Variants in CSMD1 observed in about 807,000 individuals in gnomAD.
The protein encoded by CSMD1 is CUB and sushi domain-containing protein 1.
A neutral mutation model predicts 417.5 loss-of-function variants in CSMD1; 213 were observed. The ratio of observed to expected loss-of-function variants is 0.51; its 90% CI spans 0.46 to 0.57. The LOEUF (loss-of-function observed/expected upper bound fraction) is 0.57, where lower values mean the gene tolerates loss of function less well. CSMD1 is among the 20% of genes least tolerant of loss of function. The probability of loss-of-function intolerance (pLI) is 0.00; values close to 1 mark genes in which losing one functional copy is unlikely to be tolerated. For synonymous variants in CSMD1, 2,862 were observed against 1,736.8 expected, an observed-to-expected ratio of 1.65 and a Z score of -16.11; for missense variants, 6,923 against 4,529.7, an observed-to-expected ratio of 1.53 and a Z score of -15.17.
At chr8:3,814,612 C>A (rs955387305) in intron 5 of CSMD1, among the ~76,000 whole-genome samples, 1 of 152,168 alleles carries the variant, frequency 6.6e-6, no homozygotes, top group Non-Finnish European at 1.5e-5. Context: ...GGACATCCCA[C>A]AGCACACAGA....
chr8:4,064,987 G>C (rs1015855248), intron 3 of CSMD1, among the ~76,000 whole-genome samples: 3 of 151,452 alleles, frequency 2.0e-5, no homozygotes, highest in East Asian at 1.9e-4. Context: ...TTTTGTGTCA[G>C]TTTTCATCAA....
At chr8:4,084,984 G>C (rs747444986) in intron 3 of CSMD1, among the ~76,000 whole-genome samples, 1 of 152,016 alleles carries the variant, frequency 6.6e-6, no homozygotes, top group Non-Finnish European at 1.5e-5. Flanking sequence ...TATTACCACA[G>C]CAGGCGCGTG....
intron 2 of CSMD1, among the ~76,000 whole-genome samples, chr8:4,577,940 A>T (rs932870295): frequency 1.3e-5 from 2 of 152,192 alleles, no homozygotes; most frequent in Admixed American, 6.5e-5. Context: ...ATGATATTGG[A>T]TGGCCAGAGA....
chr8:4,022,230 GCTGA>G (rs1432831107), intron 4 of CSMD1, among the ~76,000 whole-genome samples: 15 of 148,698 alleles, frequency 1.0e-4, no homozygotes, highest in African/African-American at 3.8e-4. Flanking sequence ...TAATAAAGGT[GCTGA>G]CTATTTTGGT....
chr8:4,037,812 T>C (rs927548068), intron 3 of CSMD1, among the ~76,000 whole-genome samples: 2 of 152,040 alleles, frequency 1.3e-5, no homozygotes, highest in African/African-American at 2.4e-5. Context: ...AATTGAATCT[T>C]TTTATGTTTG....
At chr8:3,757,464 A>AT (rs1452500082) in intron 5 of CSMD1, among the ~76,000 whole-genome samples, 3 of 152,032 alleles carry the variant, frequency 2.0e-5, no homozygotes, top group African/African-American at 4.8e-5. Flanking sequence ...TTTTGATTGT[A>AT]TTTTTTCAGT....
chr8:3,708,338 C>T (rs1263647410), intron 7 of CSMD1, 76 bp downstream of exon 7: 25 of 1,199,158 alleles, frequency 2.1e-5, no homozygotes, highest in East Asian at 4.7e-5. Flanking sequence ...TGGGTGGGAT[C>T]GCTTCTTAAC....
chr8:4,245,268 T>C (rs1405399788), intron 3 of CSMD1, among the ~76,000 whole-genome samples: 7 of 152,200 alleles, frequency 4.6e-5, no homozygotes, highest in Non-Finnish European at 1.5e-5. Flanking sequence ...CAATGAATTA[T>C]ATAACTCTAC....
chr8:3,809,269 T>A (rs1261074813), intron 5 of CSMD1, among the ~76,000 whole-genome samples: 1 of 152,146 alleles, frequency 6.6e-6, no homozygotes, highest in Non-Finnish European at 1.5e-5. Flanking sequence ...TCAGGTCAGC[T>A]CCCTTTGCCA....
chr8:2,981,505 G>A (rs761076027), intron 54 of CSMD1, among the ~76,000 whole-genome samples: 4 of 152,220 alleles, frequency 2.6e-5, no homozygotes, highest in African/African-American at 7.2e-5. Context: ...CTAGACGGCT[G>A]CACCTCATCT....
chr8:3,542,796 C>A (rs557248123), intron 10 of CSMD1, among the ~76,000 whole-genome samples: 2 of 152,302 alleles, frequency 1.3e-5, no homozygotes, highest in East Asian at 3.9e-4. Context: ...GACAGGATAT[C>A]CTTCGATGCT....
At chr8:4,828,194 AG>A (rs1799944612) in intron 1 of CSMD1, among the ~76,000 whole-genome samples, 1 of 152,218 alleles carries the variant, frequency 6.6e-6, no homozygotes, top group South Asian at 2.1e-4. Context: ...GTGTTTTCAA[AG>A]CAGCACTATT....
chr8:3,159,451 C>T (rs1300766298), intron 38 of CSMD1, among the ~76,000 whole-genome samples: 1 of 152,128 alleles, frequency 6.6e-6, no homozygotes, highest in African/African-American at 2.4e-5. Flanking sequence ...TTACTTTCAG[C>T]GTGTGATGTC....
intron 10 of CSMD1, among the ~76,000 whole-genome samples, chr8:3,507,587 TC>T (rs947462850): frequency 6.6e-6 from 1 of 152,170 alleles, no homozygotes; most frequent in African/African-American, 2.4e-5. Context: ...CACACTGACT[TC>T]CACAATGGTT....
At chr8:3,197,599 G>A (rs1197698658) in intron 33 of CSMD1, among the ~76,000 whole-genome samples, 2 of 151,686 alleles carry the variant, frequency 1.3e-5, no homozygotes, top group African/African-American at 4.8e-5. Context: ...CCGAGTAGCT[G>A]GGACTACAGG....
chr8:3,658,026 T>G (rs1798218092), intron 7 of CSMD1, among the ~76,000 whole-genome samples: 2 of 152,180 alleles, frequency 1.3e-5, no homozygotes, highest in South Asian at 4.1e-4. Flanking sequence ...AAACTGGATT[T>G]CTCGTCTTGA....
chr8:3,825,569 T>A (rs562510738), intron 5 of CSMD1, among the ~76,000 whole-genome samples: 1 of 136,388 alleles, frequency 7.3e-6, no homozygotes, highest in Non-Finnish European at 1.6e-5. Flanking sequence ...AGGGTGGTGT[T>A]TGATTACCTA....
intron 1 of CSMD1, among the ~76,000 whole-genome samples, chr8:4,762,952 T>A (rs1224219850): frequency 6.6e-6 from 1 of 152,180 alleles, no homozygotes; most frequent in Non-Finnish European, 1.5e-5. Context: ...CTGGCTTATA[T>A]TTCTCAATAT....
intron 3 of CSMD1, among the ~76,000 whole-genome samples, chr8:4,341,232 A>T (rs139108458): frequency 6.6e-6 from 1 of 152,116 alleles, no homozygotes; most frequent in South Asian, 2.1e-4. Flanking sequence ...TAGCAATTAC[A>T]TAACTGTTTT....
Sources: gnomAD v4.1 joint callset for allele counts (sites outside exome capture counted in the v4.1 genomes callset) on GRCh38, gnomAD v4.1.1 for gene constraint, MANE v1.5 for transcripts, NCBI Gene and HGNC (gene_info 2026-07-23, HGNC 2026-07-21) for gene names.